Variants in AHDC1 observed in about 807,000 individuals in gnomAD.
AHDC1 encodes the protein AT-hook DNA binding motif containing 1, also known as transcription factor Gibbin.
AHDC1 carries 7 observed loss-of-function variants against 87.9 expected under a neutral mutation model. The ratio of observed to expected loss-of-function variants is 0.08; its 90% CI spans 0.05 to 0.15. AHDC1 has a LOEUF of 0.15. AHDC1 is among the 10% of genes least tolerant of loss of function. The pLI is 1.00. For synonymous variants in AHDC1, 1,051 were observed against 1,006.8 expected (o/e 1.04, Z -0.83); for missense variants, 1,841 against 2,253.2 (o/e 0.82, Z 3.70).
intron 3 of AHDC1, among the ~76,000 whole-genome samples, chr1:27,559,703 G>A (rs948503900): frequency 6.6e-6 from 1 of 152,192 alleles, no homozygotes; most frequent in Non-Finnish European, 1.5e-5. Flanking sequence ...TGCAGCTGGC[G>A]TTTACCCATT....
chr1:27,584,583 AG>A (rs1363521288), intron 3 of AHDC1, among the ~76,000 whole-genome samples: 1 of 152,184 alleles, frequency 6.6e-6, no homozygotes, highest in Non-Finnish European at 1.5e-5. Flanking sequence ...TTTTCCAGTT[AG>A]TTGGGCAGCA....
At chr1:27,537,318 G>T (rs946399224) in intron 8 of AHDC1, among the ~76,000 whole-genome samples, 3 of 152,180 alleles carry the variant, frequency 2.0e-5, no homozygotes, top group African/African-American at 7.2e-5. Context: ...GAGGCTCACA[G>T]ATAGAGGGGA....
intron 3 of AHDC1, 31 bp downstream of exon 3, chr1:27,603,366 G>A (rs1347003245): frequency 1.3e-5 from 2 of 152,488 alleles, no homozygotes; most frequent in East Asian, 1.9e-4. Context: ...CCCCAGCGGG[G>A]GTCTGGGGCT....
At chr1:27,540,369 A>G (rs1292607761) in intron 8 of AHDC1, among the ~76,000 whole-genome samples, 2 of 150,670 alleles carry the variant, frequency 1.3e-5, no homozygotes, top group Non-Finnish European at 3.0e-5. Context: ...AATTCTCCCT[A>G]TTCTACATGC....
intron 3 of AHDC1, among the ~76,000 whole-genome samples, chr1:27,575,429 T>C (rs1016199013): frequency 9.9e-5 from 15 of 152,014 alleles, no homozygotes; most frequent in African/African-American, 3.1e-4. Context: ...GGGTGCTCTC[T>C]CCACTCCCGC....
At chr1:27,539,421 G>A (rs964349437) in intron 8 of AHDC1, among the ~76,000 whole-genome samples, 2 of 151,756 alleles carry the variant, frequency 1.3e-5, no homozygotes, top group African/African-American at 2.4e-5. Flanking sequence ...CAGGCGTGGT[G>A]AGCCACCATG....
Position 27,549,134 on chromosome 1 carries a change from G to C in AHDC1, c.2982C>G (p.Asn994Lys). 3 of 1,553,850 alleles carry C rather than the reference G, an allele frequency of 1.9e-6. No individual in the cohort carries two copies. Among genetic ancestry groups the C allele is most frequent in the Non-Finnish European group, 8.7e-7 (1 of 1,148,602 alleles). ...CATAGGCGAAGCTGCAGTCCTTGCT[G>C]TTAGCGCAGTCCTGGCCTGTAAAGG... ...TKPFTGQDCA[N>K]SKDCSFAYGS... is the part of the protein sequence containing the mutation. Residue 994 changes from asparagine to lysine, a missense_variant, in exon 8 of 9, where the codon AAC (asparagine) becomes AAG (lysine). Coordinates refer to ENST00000673934, the MANE Select transcript of AHDC1 (RefSeq NM_001371928.1).
At chr1:27,566,778 C>A (rs954654191) in intron 3 of AHDC1, among the ~76,000 whole-genome samples, 1 of 131,716 alleles carries the variant, frequency 7.6e-6, no homozygotes, top group African/African-American at 3.0e-5. Context: ...ACAGATGCAT[C>A]GGCTCTGGTT....
At chr1:27,592,196 C>T (rs976326646) in intron 3 of AHDC1, among the ~76,000 whole-genome samples, 2 of 152,338 alleles carry the variant, frequency 1.3e-5, no homozygotes, top group Admixed American at 1.3e-4. Flanking sequence ...TGTGTGCACA[C>T]GCATGAGGGT....
At position 27,550,453 on chromosome 1, in the gene AHDC1, G is replaced by C; in HGVS notation, c.1663C>G (p.Leu555Val). ...TCCTTGGGCTTGCCGGGACCCAGCA[G>C]CAGGTTCTTAGGAGGGCGGCCGCGC... ...RKRGRPPKNLLLGPGKPKEPA... is the reference protein window; with the variant it reads ...RKRGRPPKNLVLGPGKPKEPA... Residue 555 changes from leucine to valine, a missense_variant, in exon 8 of 9, where the codon CTG (leucine) becomes GTG (valine). Coordinates refer to ENST00000673934, the MANE Select transcript of AHDC1 (RefSeq NM_001371928.1). 2.5e-6 allele frequency: 4 copies of C among 1,608,056 alleles called. No individual in the cohort carries two copies. The highest frequency in any genetic ancestry group is 3.4e-6 in the Non-Finnish European group (4 of 1,175,646).
intron 3 of AHDC1, among the ~76,000 whole-genome samples, chr1:27,582,227 G>C (rs1398725037): frequency 6.6e-6 from 1 of 152,146 alleles, no homozygotes; most frequent in Admixed American, 6.5e-5. Flanking sequence ...AATCCCACAG[G>C]GAGTTAGCAG....
chr1:27,568,776 G>C (rs1186240494), intron 3 of AHDC1, among the ~76,000 whole-genome samples: 1 of 151,930 alleles, frequency 6.6e-6, no homozygotes, highest in Non-Finnish European at 1.5e-5. Flanking sequence ...GGGCCGGGCC[G>C]GGCCGGGGCG....
intron 3 of AHDC1, 26 bp downstream of exon 3, chr1:27,603,371 G>A (rs1487143372): frequency 6.6e-6 from 1 of 152,488 alleles, no homozygotes; most frequent in African/African-American, 2.4e-5. Flanking sequence ...GCGGGGGTCT[G>A]GGGCTGGGGA....
chr1:27,564,990 C>G (rs910062505), intron 3 of AHDC1, among the ~76,000 whole-genome samples: 1 of 152,200 alleles, frequency 6.6e-6, no homozygotes, highest in South Asian at 2.1e-4. Flanking sequence ...TGGCCACGGA[C>G]AGCCTCAGAG....
chr1:27,597,335 TTGTG>T (rs58592828), intron 3 of AHDC1, among the ~76,000 whole-genome samples: 57 of 149,464 alleles, frequency 3.8e-4, no homozygotes, highest in East Asian at 7.8e-4. Context: ...TGTCACAAAT[TTGTG>T]TGTGTGTGTG....
chr1:27,584,603 G>C (rs1302990562), intron 3 of AHDC1, among the ~76,000 whole-genome samples: 1 of 152,150 alleles, frequency 6.6e-6, no homozygotes, highest in East Asian at 1.9e-4. Context: ...CAAGCTCTCT[G>C]AGGCCAACCC....
chr1:27,547,133 A>C lies in AHDC1; in HGVS notation c.*43+128T>G. The C allele has an allele frequency of 1.6e-6, 1 of 620,264 alleles. No individual in the cohort carries two copies. The highest frequency in any genetic ancestry group is 2.6e-6 in the Non-Finnish European group (1 of 384,534). 38.4% of individuals were successfully genotyped at this position (620,264 alleles called of 1,614,324 possible). A position where few individuals can be genotyped will look rare whatever the true frequency, so the allele number is the denominator to read the frequency against. ...TCCTGAATCCCTACACCCTGCTCTC[A>C]GTCCCCAGCCTTGCCCTTAAATCCT... On this transcript the variant is annotated intron_variant, in intron 8 of 8. Transcript: ENST00000673934. This position sits in a 1 kb window ranked among gnomAD's most constrained non-coding sequence, Gnocchi z 4.9.
intron 3 of AHDC1, among the ~76,000 whole-genome samples, chr1:27,586,717 C>T (rs11809640): frequency 0.11 from 16,628 of 152,052 alleles, 2,465 homozygotes; most frequent in African/African-American, 0.34. Flanking sequence ...CCCATAGGCA[C>T]CCACCTGGCT....
At position 27,549,719 on chromosome 1, in the gene AHDC1, C is replaced by G; in HGVS notation, c.2397G>C (p.Arg799=). The change falls in exon 8 of 9, where the codon CGG becomes CGC. Residue 799 remains arginine (R), a synonymous_variant. Coordinates refer to ENST00000673934, the MANE Select transcript of AHDC1 (RefSeq NM_001371928.1). ...TCTCCAGCCCAGTGGAGGCAAAGGC[C>G]CGGGCCTCGGTCCCCTGAAACCCAC... ...RNCGFQGTEA[R]AFASTGLESG... is the part of the protein sequence containing the mutation. The G allele has an allele frequency of 6.2e-7, 1 of 1,612,886 alleles. No individual in the cohort carries two copies.
Sources: gnomAD v4.1 joint callset for allele counts (sites outside exome capture counted in the v4.1 genomes callset) on GRCh38, gnomAD v4.1.1 for gene constraint, Gnocchi (gnomAD v3.1) non-coding constraint, MANE v1.5 for transcripts, NCBI Gene and HGNC (gene_info 2026-07-23, HGNC 2026-07-21) for gene names.